COG7: variants seen among roughly 807,000 people sequenced by gnomAD.
COG7 encodes component of oligomeric golgi complex 7, also known as conserved oligomeric Golgi complex subunit 7.
In COG7, 49 loss-of-function variants were observed where a neutral mutation model predicts 91.5. That is an observed-to-expected ratio of 0.54 (90% CI 0.43 to 0.68). COG7 has a LOEUF of 0.68. Among genes scored for constraint, COG7 ranks in the 30% least tolerant of loss-of-function variants. The pLI, the probability that COG7 is intolerant of heterozygous loss-of-function variation, is 0.00. For synonymous variants in COG7, 365 were observed against 388.7 expected (o/e 0.94, Z 0.72); for missense variants, 895 against 961.3 (o/e 0.93, Z 0.91).
At chr16:23,405,504 A>G (rs1279102436) in intron 12 of COG7, among the ~76,000 whole-genome samples, 2 of 146,146 alleles carry the variant, frequency 1.4e-5, no homozygotes, top group African/African-American at 5.0e-5. Flanking sequence ...CTAAACCCAC[A>G]TTCTCTTTTT....
intron 4 of COG7, among the ~76,000 whole-genome samples, chr16:23,441,582 C>CA (rs1385882817): frequency 2.0e-5 from 3 of 151,928 alleles, no homozygotes; most frequent in East Asian, 1.9e-4. Flanking sequence ...CTTAAAAAAA[C>CA]AAAAAAAATT....
At chr16:23,397,903 T>C (rs899714944) in intron 14 of COG7, 143 bp downstream of exon 14, 8 of 709,040 alleles carry the variant, frequency 1.1e-5, no homozygotes, top group Non-Finnish European at 1.8e-5. Flanking sequence ...GTCCAGGATC[T>C]GGGTGCAGAC....
At chr16:23,399,832 C>T in intron 13 of COG7, among the ~76,000 whole-genome samples, 1 of 152,092 alleles carries the variant, frequency 6.6e-6, no homozygotes, top group East Asian at 1.9e-4. Context: ...TCAAAAATGA[C>T]AAAAAAGACA....
intron 6 of COG7, among the ~76,000 whole-genome samples, chr16:23,428,799 C>A (rs569336169): frequency 2.0e-3 from 302 of 150,952 alleles, no homozygotes; most frequent in South Asian, 6.9e-3. Flanking sequence ...TCAAGCGATT[C>A]TCCTGCCTCA....
intron 3 of COG7, 142 bp from the exon 4 acceptor site, chr16:23,442,787 G>T: frequency 1.3e-6 from 1 of 770,822 alleles, no homozygotes; most frequent in Non-Finnish European, 2.2e-6. Flanking sequence ...TGTAATCCCA[G>T]CACTTTCGGA....
At chr16:23,432,793 G>A (rs1477536189) in intron 6 of COG7, among the ~76,000 whole-genome samples, 1 of 152,090 alleles carries the variant, frequency 6.6e-6, no homozygotes, top group Non-Finnish European at 1.5e-5. Context: ...CTACTTCTTG[G>A]TGTATCATGA....
At chr16:23,426,818 C>CAAAAAAAA (rs1176659874) in intron 6 of COG7, among the ~76,000 whole-genome samples, 89 of 59,266 alleles carry the variant, frequency 1.5e-3, no homozygotes, top group Middle Eastern at 8.1e-3. Context: ...AGCAATTGGA[C>CAAAAAAAA]AAAAAAAAAA....
intron 4 of COG7, among the ~76,000 whole-genome samples, chr16:23,440,639 T>G (rs1209947599): frequency 6.6e-6 from 1 of 152,034 alleles, no homozygotes; most frequent in African/African-American, 2.4e-5. Flanking sequence ...TTATTTTTTG[T>G]AGAGACGGGG....
chr16:23,451,562 T>G (rs960236975), intron 1 of COG7, among the ~76,000 whole-genome samples: 6 of 151,884 alleles, frequency 4.0e-5, no homozygotes, highest in African/African-American at 1.5e-4. Flanking sequence ...AAAAAATTTT[T>G]TTTTTTAATT....
At chr16:23,438,333 A>C (rs1026174362) in intron 4 of COG7, among the ~76,000 whole-genome samples, 1 of 152,158 alleles carries the variant, frequency 6.6e-6, no homozygotes, top group Non-Finnish European at 1.5e-5. Flanking sequence ...CTGAGGAGGG[A>C]GGATTGTTTG....
At chr16:23,402,010 T>C (rs1005851066) in intron 13 of COG7, among the ~76,000 whole-genome samples, 1 of 152,080 alleles carries the variant, frequency 6.6e-6, no homozygotes, top group African/African-American at 2.4e-5. Flanking sequence ...TGAGCCAAGA[T>C]TGTGCCACTG....
chr16:23,442,547 C>T lies in COG7; in HGVS notation c.534G>A (p.Glu178=), dbSNP rs80204521. ...PDYSEKCVHL[E]ALKNRLEALA... Reference sequence around the variant, plus strand: ...GGGCCTCCAGCCTGTTCTTCAGTGCCTCCAAGTGCACACACTTTTCTGAGT... The same window carrying T: ...GGGCCTCCAGCCTGTTCTTCAGTGCTTCCAAGTGCACACACTTTTCTGAGT... Residue 178 remains glutamate, a synonymous_variant, in exon 4 of 17, where the codon GAG becomes GAA. Coordinates refer to ENST00000307149, the MANE Select transcript of COG7 (RefSeq NM_153603.4). The T allele has an allele frequency of 5.3e-4, 863 of 1,614,166 alleles. 2 individuals carry two copies. In the African/African-American group the frequency reaches 0.01, roughly 19 times the overall value.
In COG7 at chr16:23,442,501, C is replaced by T; in HGVS notation, c.580G>A (p.Ala194Thr). ...LEALASPQIV[A>T]AFTSQAVDQS... is the part of the protein sequence containing the mutation. ...CCTACAGCCTGAGAGGTGAATGCCG[C>T]TACAATCTGTGGACTGGCTAGGGCC... The change falls in exon 4 of 17, where the codon GCG becomes ACG. Residue 194 changes from alanine (A) to threonine (T), a missense_variant. By Grantham distance (58) the Ala-to-Thr change is moderately conservative (BLOSUM62 0). Transcript: ENST00000307149. 6.2e-7 allele frequency: 1 copy of T among 1,614,050 alleles called. No homozygotes were observed. The highest frequency in any genetic ancestry group is 8.5e-7 in the Non-Finnish European group (1 of 1,180,040).
chr16:23,449,026 T>C (rs1964223275), intron 1 of COG7, among the ~76,000 whole-genome samples: 1 of 152,186 alleles, frequency 6.6e-6, no homozygotes, highest in African/African-American at 2.4e-5. Context: ...GAATGTCTTA[T>C]GTCTGAATGC....
chr16:23,451,533 G>C (rs918728748), intron 1 of COG7, among the ~76,000 whole-genome samples: 4 of 152,000 alleles, frequency 2.6e-5, no homozygotes, highest in Admixed American at 6.6e-5. Context: ...GGGCAACATA[G>C]TGCGACCTTG....
At chr16:23,418,536 G>A (rs1385004194) in intron 8 of COG7, among the ~76,000 whole-genome samples, 164 bp downstream of exon 8, 1 of 152,104 alleles carries the variant, frequency 6.6e-6, no homozygotes, top group Non-Finnish European at 1.5e-5. Context: ...AAAATTGGTA[G>A]CAAATATATG....
chr16:23,418,339 C>A (rs972427833), intron 8 of COG7, among the ~76,000 whole-genome samples: 7 of 152,018 alleles, frequency 4.6e-5, no homozygotes, highest in African/African-American at 1.7e-4. Flanking sequence ...ACTGTCTCTA[C>A]AAAAAATACA....
At chr16:23,452,769 C>T in intron 1 of COG7, 57 bp downstream of exon 1, 1 of 1,563,338 alleles carries the variant, frequency 6.4e-7, no homozygotes. Flanking sequence ...AGTTCGGTGA[C>T]CTCTGCCCAG....
intron 6 of COG7, among the ~76,000 whole-genome samples, chr16:23,425,786 A>T (rs1963835956): frequency 6.6e-6 from 1 of 152,240 alleles, no homozygotes; most frequent in South Asian, 2.1e-4. Flanking sequence ...AACTGGCAAG[A>T]CTTGGAACTT....
Sources: allele counts gnomAD v4.1 joint callset (sites outside exome capture counted in the v4.1 genomes callset), GRCh38; gene constraint gnomAD v4.1.1; transcripts MANE v1.5; gene names NCBI Gene and HGNC (gene_info 2026-07-23, HGNC 2026-07-21).